PDE2A: variants seen among roughly 807,000 people sequenced by gnomAD.
PDE2A encodes cGMP-dependent 3',5'-cyclic phosphodiesterase.
In PDE2A, 53 loss-of-function variants were observed where a neutral mutation model predicts 133.6. The observed-to-expected ratio is 0.40, with a 90% CI of 0.32 to 0.50. The LOEUF (loss-of-function observed/expected upper bound fraction) is 0.50, where lower values mean the gene tolerates loss of function less well. Among genes scored for constraint, PDE2A ranks in the 20% least tolerant of loss-of-function variants. The pLI, the probability that PDE2A is intolerant of heterozygous loss-of-function variation, is 0.73. For synonymous variants in PDE2A, 491 were observed against 490.2 expected, an observed-to-expected ratio of 1.00 and a Z score of -0.02; for missense variants, 796 against 1,232.4, an observed-to-expected ratio of 0.65 and a Z score of 5.30.
intron 3 of PDE2A, 85 bp downstream of exon 3, chr11:72,608,577 C>G: frequency 1.4e-6 from 1 of 729,882 alleles, no homozygotes; most frequent in Non-Finnish European, 2.5e-6. Flanking sequence ...TTCCTTCCTC[C>G]TTGGCCCTGA....
chr11:72,646,778 C>T (rs574378384), intron 1 of PDE2A, among the ~76,000 whole-genome samples: 1 of 152,240 alleles, frequency 6.6e-6, no homozygotes, highest in Non-Finnish European at 1.5e-5. Flanking sequence ...CTTTGCCCAA[C>T]CTGTTGCCCT....
chr11:72,665,596 CCCA>C (rs1030514446), intron 1 of PDE2A, among the ~76,000 whole-genome samples: 2 of 152,184 alleles, frequency 1.3e-5, no homozygotes, highest in African/African-American at 4.8e-5. Flanking sequence ...TCTCTGGCCC[CCCA>C]TGGCAGCTAC....
chr11:72,588,497 C>A (rs935500105), intron 13 of PDE2A, among the ~76,000 whole-genome samples: 2 of 152,174 alleles, frequency 1.3e-5, no homozygotes, highest in African/African-American at 4.8e-5. Context: ...GCACACCCAC[C>A]CCTCCATCTA....
At chr11:72,583,315 G>A (rs1855805552) in intron 20 of PDE2A, 123 bp downstream of exon 20, 1 of 707,148 alleles carries the variant, frequency 1.4e-6, no homozygotes, top group African/African-American at 1.7e-5. Context: ...AAGGAGGGCA[G>A]GAGGCCTGCT....
At chr11:72,636,577 G>C (rs1226435122) in intron 2 of PDE2A, among the ~76,000 whole-genome samples, 2 of 152,034 alleles carry the variant, frequency 1.3e-5, no homozygotes, top group Non-Finnish European at 2.9e-5. Context: ...ACAGGCCCAG[G>C]CATCTGCCAC....
rs1855513032 is a variant in PDE2A, at chr11:72,577,364, G to A, written c.*20C>T. 4.4e-6 allele frequency: 7 copies of A among 1,592,380 alleles called. No individual in the cohort carries two copies. The highest frequency in any genetic ancestry group is 6.0e-6 in the Non-Finnish European group (7 of 1,163,100). ...GGGCTGTGGGAGGTGGCCTGGGCAG[G>A]GAAGTGTCCCTGGAGGGGATCACTC... On this transcript the variant is annotated 3_prime_UTR_variant, in exon 31 of 31. Transcript: ENST00000334456.
chr11:72,597,338 A>G lies in PDE2A; in HGVS notation c.433+172T>C, dbSNP rs74419535. 5.1e-3 allele frequency among the ~76,000 whole-genome samples: 781 copies of G among 152,286 alleles called. 4 individuals carry two copies. The highest frequency in any genetic ancestry group is 0.018 in the African/African-American group (745 of 41,554). On this transcript the variant is annotated intron_variant, in intron 5 of 30. Coordinates refer to ENST00000334456, the MANE Select transcript of PDE2A (RefSeq NM_002599.5). The surrounding 1 kb of genome is among the most constrained non-coding windows in gnomAD (Gnocchi z 4.6). ...TAGTCAGGAAGTTGAGGCTCAGAGA[A>G]TTTAGTAGTACAATAGAGAGAGAAT...
chr11:72,619,052 G>A (rs995313313), intron 2 of PDE2A, among the ~76,000 whole-genome samples: 7 of 150,542 alleles, frequency 4.6e-5, no homozygotes, highest in South Asian at 2.1e-4. Flanking sequence ...CACAGCGTGC[G>A]CACACACACA....
intron 6 of PDE2A, among the ~76,000 whole-genome samples, chr11:72,591,691 G>A (rs576988216): frequency 6.6e-6 from 1 of 152,316 alleles, no homozygotes; most frequent in East Asian, 1.9e-4. Flanking sequence ...AGCGCTGCAG[G>A]TCCTGATTTT....
At chr11:72,624,887 C>G (rs1591091079) in intron 2 of PDE2A, among the ~76,000 whole-genome samples, 1 of 152,204 alleles carries the variant, frequency 6.6e-6, no homozygotes, top group Non-Finnish European at 1.5e-5. Flanking sequence ...TGATATTACA[C>G]GTCATAAGCT....
intron 2 of PDE2A, among the ~76,000 whole-genome samples, chr11:72,624,725 C>T (rs1254431977): frequency 6.6e-6 from 1 of 152,224 alleles, no homozygotes; most frequent in Non-Finnish European, 1.5e-5. Flanking sequence ...CACTCGGTGT[C>T]AGCATCACAC....
At chr11:72,637,438 C>T (rs1023950781) in intron 2 of PDE2A, among the ~76,000 whole-genome samples, 3 of 152,232 alleles carry the variant, frequency 2.0e-5, no homozygotes, top group African/African-American at 7.2e-5. Flanking sequence ...AGCAGGTGTT[C>T]ACTAATGTCC....
At chr11:72,666,593 A>G (rs1855239563) in intron 1 of PDE2A, among the ~76,000 whole-genome samples, 1 of 152,200 alleles carries the variant, frequency 6.6e-6, no homozygotes, top group Non-Finnish European at 1.5e-5. Flanking sequence ...ATAGCCAGAC[A>G]TTAGGCGCGG....
chr11:72,640,174 T>C (rs1355890967), intron 2 of PDE2A, among the ~76,000 whole-genome samples: 2 of 150,872 alleles, frequency 1.3e-5, no homozygotes, highest in Non-Finnish European at 3.0e-5. Flanking sequence ...TCACACCGTC[T>C]CCCACCACGC....
chr11:72,617,820 G>T (rs187043865), intron 2 of PDE2A, among the ~76,000 whole-genome samples: 1 of 152,288 alleles, frequency 6.6e-6, no homozygotes, highest in East Asian at 1.9e-4. Flanking sequence ...CTCTTCCTCT[G>T]CACTGACTCC....
chr11:72,672,487 A>C (rs1020298061), intron 1 of PDE2A, among the ~76,000 whole-genome samples: 1 of 152,164 alleles, frequency 6.6e-6, no homozygotes, highest in Non-Finnish European at 1.5e-5. Context: ...TGCCTGGCCC[A>C]GGGCAGGTTT....
chr11:72,611,636 T>C (rs961436061), intron 2 of PDE2A, among the ~76,000 whole-genome samples: 6 of 152,118 alleles, frequency 3.9e-5, no homozygotes, highest in African/African-American at 1.4e-4. Context: ...GGGCTTCCCA[T>C]CTGTGCTAGA....
intron 18 of PDE2A, 112 bp downstream of exon 18, chr11:72,584,439 C>A (rs1225956368): frequency 7.5e-7 from 1 of 1,341,642 alleles, no homozygotes; most frequent in South Asian, 1.2e-5. Context: ...GAACCCGACT[C>A]CCTTATGCTC....
chr11:72,635,292 G>T (rs1299601298), intron 2 of PDE2A, among the ~76,000 whole-genome samples: 1 of 152,162 alleles, frequency 6.6e-6, no homozygotes, highest in East Asian at 1.9e-4. Flanking sequence ...CCCTCACTGG[G>T]AGTGGAGGGA....
Sources: gnomAD v4.1 joint callset for allele counts (sites outside exome capture counted in the v4.1 genomes callset) on GRCh38, gnomAD v4.1.1 for gene constraint, Gnocchi (gnomAD v3.1) non-coding constraint, MANE v1.5 for transcripts, NCBI Gene and HGNC (gene_info 2026-07-23, HGNC 2026-07-21) for gene names.